GMDS: variants seen among roughly 807,000 people sequenced by gnomAD.
GMDS encodes the protein GDP-mannose 4,6-dehydratase.
In GMDS, 20 loss-of-function variants were observed where a neutral mutation model predicts 49.9. That is an observed-to-expected ratio of 0.40 (90% CI 0.28 to 0.58). The LOEUF is 0.58. Ranked by LOEUF, GMDS falls within the 20% of genes least tolerant of loss-of-function variation. The pLI, the probability that GMDS is intolerant of heterozygous loss-of-function variation, is 0.42. For missense variants in GMDS, 362 were observed against 481.4 expected (o/e 0.75, Z 2.32); for synonymous variants, 177 against 178.6 (o/e 0.99, Z 0.07).
At chr6:2,096,228 G>GA (rs1264795148) in intron 4 of GMDS, among the ~76,000 whole-genome samples, 1 of 151,748 alleles carries the variant, frequency 6.6e-6, no homozygotes, top group Non-Finnish European at 1.5e-5. Context: ...ATGTGAAACA[G>GA]AAAGTTTATT....
intron 9 of GMDS, among the ~76,000 whole-genome samples, chr6:1,661,706 GAGTT>G (rs1239775104): frequency 6.6e-6 from 1 of 152,234 alleles, no homozygotes; most frequent in East Asian, 1.9e-4. Flanking sequence ...CAACCCAAAA[GAGTT>G]AGTAAGAGTC....
chr6:2,109,310 T>G (rs1191331463), intron 4 of GMDS, among the ~76,000 whole-genome samples: 1 of 152,144 alleles, frequency 6.6e-6, no homozygotes, highest in African/African-American at 2.4e-5. Flanking sequence ...AGGAGAGATA[T>G]TATTGGAGAC....
At chr6:2,217,045 C>T (rs1488970421) in intron 1 of GMDS, among the ~76,000 whole-genome samples, 1 of 152,184 alleles carries the variant, frequency 6.6e-6, no homozygotes, top group African/African-American at 2.4e-5. Context: ...TGGCTTCAGC[C>T]GCCCACCTGG....
intron 7 of GMDS, among the ~76,000 whole-genome samples, chr6:1,856,039 C>T (rs1426757676): frequency 1.3e-5 from 2 of 152,170 alleles, no homozygotes; most frequent in East Asian, 1.9e-4. Context: ...CAACATCCTC[C>T]AGAATTTCAA....
chr6:1,949,247 T>C (rs1221892970), intron 6 of GMDS, among the ~76,000 whole-genome samples: 1 of 152,196 alleles, frequency 6.6e-6, no homozygotes, highest in Non-Finnish European at 1.5e-5. Context: ...TGCACTTTGC[T>C]CCATCAGGTG....
chr6:2,041,526 T>C (rs2127427946), intron 4 of GMDS, among the ~76,000 whole-genome samples: 1 of 152,328 alleles, frequency 6.6e-6, no homozygotes, highest in Middle Eastern at 3.4e-3. Flanking sequence ...ACCATTGAAC[T>C]GTTTCGACTT....
chr6:2,199,786 A>G (rs1254983680), intron 1 of GMDS, among the ~76,000 whole-genome samples: 3 of 152,240 alleles, frequency 2.0e-5, no homozygotes, highest in African/African-American at 4.8e-5. Flanking sequence ...TCAACTTAAA[A>G]GCAGAACACT....
chr6:1,836,224 T>C lies in GMDS; in HGVS notation c.772-93638A>G, dbSNP rs1346397496. Among the ~76,000 whole-genome samples, 2 of 152,212 alleles carry C rather than the reference T, an allele frequency of 1.3e-5. No homozygotes were observed. The highest frequency in any genetic ancestry group is 4.8e-5 in the African/African-American group (2 of 41,452). On this transcript the variant is annotated intron_variant, in intron 7 of 10. Coordinates refer to ENST00000380815, the MANE Select transcript of GMDS (RefSeq NM_001500.4). The surrounding 1 kb of genome is among the most constrained non-coding windows in gnomAD (Gnocchi z 4.2). ...TTCACTAGTATCTTGTCATGCCTGA[T>C]AGTCTCTTTTAAAGTCTCTTTCCTG...
intron 1 of GMDS, among the ~76,000 whole-genome samples, chr6:2,193,084 G>A (rs1423513571): frequency 1.3e-5 from 2 of 152,166 alleles, no homozygotes; most frequent in Non-Finnish European, 2.9e-5. Flanking sequence ...CAATCACTGG[G>A]GGATGCTACT....
At chr6:2,092,034 T>A (rs1215538002) in intron 4 of GMDS, among the ~76,000 whole-genome samples, 1 of 152,144 alleles carries the variant, frequency 6.6e-6, no homozygotes. Context: ...CAACCCTTTC[T>A]AAATATTAAA....
chr6:1,642,445 A>G (rs1419258079), intron 9 of GMDS, among the ~76,000 whole-genome samples: 1 of 152,196 alleles, frequency 6.6e-6, no homozygotes, highest in Non-Finnish European at 1.5e-5. Context: ...CTGGGATTAC[A>G]GGCGTGAGCC....
At chr6:1,984,395 TCCCCGC>T (rs1765413941) in intron 4 of GMDS, among the ~76,000 whole-genome samples, 1 of 151,314 alleles carries the variant, frequency 6.6e-6, no homozygotes, top group Non-Finnish European at 1.5e-5. Flanking sequence ...AAGTTAGAAA[TCCCCGC>T]CCCCGCCTCC....
intron 4 of GMDS, among the ~76,000 whole-genome samples, chr6:2,070,666 C>T (rs925133176): frequency 1.3e-5 from 2 of 152,080 alleles, no homozygotes; most frequent in Non-Finnish European, 2.9e-5. Context: ...CTAAATACTC[C>T]TGATCCAGAA....
At chr6:2,157,100 A>C (rs1777149767) in intron 1 of GMDS, among the ~76,000 whole-genome samples, 1 of 152,240 alleles carries the variant, frequency 6.6e-6, no homozygotes, top group African/African-American at 2.4e-5. Context: ...CTCCATTTAT[A>C]ACTGTAGCAC....
In GMDS at chr6:1,914,135, T is replaced by G. The variant is rs1030873145; in HGVS notation, c.771+15968A>C. ...TCATGAAAGCGTTTTTTGTTTGTTT[T>G]TTTTTTTTTTTTTTTTTTTTTTAAT... On this transcript the variant is annotated intron_variant, in intron 7 of 10. Transcript: ENST00000380815. 8.5e-3 allele frequency among the ~76,000 whole-genome samples: 1,045 copies of G among 122,512 alleles called. 8 individuals carry two copies. Among genetic ancestry groups the G allele is most frequent in the Non-Finnish European group, 0.012 (707 of 57,680 alleles). 80.4% of individuals were successfully genotyped at this position (122,512 alleles called of 152,430 possible). A position where few individuals can be genotyped will look rare whatever the true frequency, so the allele number is the denominator to read the frequency against.
At chr6:1,733,852 TAA>T (rs61455182) in intron 8 of GMDS, among the ~76,000 whole-genome samples, 308 of 145,658 alleles carry the variant, frequency 2.1e-3, no homozygotes, top group South Asian at 2.4e-3. Flanking sequence ...ACTCTTGTCT[TAA>T]AAAAAAAAAA....
chr6:1,933,889 T>A (rs1056574714), intron 6 of GMDS, among the ~76,000 whole-genome samples: 1 of 152,202 alleles, frequency 6.6e-6, no homozygotes, highest in Non-Finnish European at 1.5e-5. Context: ...TTTGATGAAG[T>A]CCAATTTGTC....
intron 7 of GMDS, among the ~76,000 whole-genome samples, chr6:1,878,109 C>G (rs150339051): frequency 2.3e-4 from 35 of 152,048 alleles, no homozygotes; most frequent in East Asian, 9.7e-4. Flanking sequence ...GTCAGGAGAT[C>G]GAGACCATCC....
At chr6:2,235,208 TA>T (rs1357486986) in intron 1 of GMDS, among the ~76,000 whole-genome samples, 1 of 152,182 alleles carries the variant, frequency 6.6e-6, no homozygotes, top group Non-Finnish European at 1.5e-5. Flanking sequence ...ATCATCCCCT[TA>T]GGGGTGATGG....
Sources: allele counts gnomAD v4.1 joint callset (sites outside exome capture counted in the v4.1 genomes callset), GRCh38; gene constraint gnomAD v4.1.1; non-coding constraint Gnocchi (gnomAD v3.1); transcripts MANE v1.5; gene names NCBI Gene and HGNC (gene_info 2026-07-23, HGNC 2026-07-21).